Variants in UMAD1 observed in about 807,000 individuals in gnomAD.
The protein encoded by UMAD1 is UBAP1-MVB12-associated (UMA) domain containing 1.
In UMAD1, 8 loss-of-function variants were observed where a neutral mutation model predicts 6.1. The ratio of observed to expected loss-of-function variants is 1.30; its 90% CI spans 0.76 to 2.35. The LOEUF is 2.35. Among genes scored for constraint, UMAD1 ranks in the 30% most tolerant of loss-of-function variants. The probability of loss-of-function intolerance (pLI) is 0.00; values close to 1 mark genes in which losing one functional copy is unlikely to be tolerated. For synonymous variants in UMAD1, 56 were observed against 31.4 expected, an observed-to-expected ratio of 1.78 and a Z score of -2.61; for missense variants, 130 against 78.4, an observed-to-expected ratio of 1.66 and a Z score of -2.49.
intron 2 of UMAD1, among the ~76,000 whole-genome samples, chr7:7,783,459 G>A (rs1300603027): frequency 2.6e-5 from 4 of 151,068 alleles, no homozygotes; most frequent in Non-Finnish European, 4.4e-5. Context: ...TTGGGTGTTT[G>A]CTGAGCTACG....
At chr7:7,867,320 G>T (rs554466994) in intron 3 of UMAD1, among the ~76,000 whole-genome samples, 1 of 152,178 alleles carries the variant, frequency 6.6e-6, no homozygotes, top group East Asian at 1.9e-4. Context: ...TTACTTTTGG[G>T]GGAGTGGAAG....
At chr7:7,815,770 C>G (rs1415649527) in intron 3 of UMAD1, among the ~76,000 whole-genome samples, 2 of 152,150 alleles carry the variant, frequency 1.3e-5, no homozygotes, top group African/African-American at 2.4e-5. Flanking sequence ...CCTACTTTAG[C>G]TTGGTACTTT....
chr7:7,808,861 ATAAC>A (rs748891712), intron 3 of UMAD1, among the ~76,000 whole-genome samples: 144 of 152,126 alleles, frequency 9.5e-4, no homozygotes, highest in Middle Eastern at 6.8e-3. Context: ...ATATAAAATA[ATAAC>A]TAACAGATGG....
At chr7:7,746,162 G>A (rs553728507) in intron 2 of UMAD1, among the ~76,000 whole-genome samples, 130 of 152,300 alleles carry the variant, frequency 8.5e-4, no homozygotes, top group African/African-American at 2.9e-3. Flanking sequence ...GCACCGTAGA[G>A]TTTGTACTGT....
At chr7:7,845,064 T>C (rs1214716092) in intron 3 of UMAD1, among the ~76,000 whole-genome samples, 1 of 152,136 alleles carries the variant, frequency 6.6e-6, no homozygotes, top group Admixed American at 6.6e-5. Context: ...CAGTCACATG[T>C]GGCTATTGAA....
intron 3 of UMAD1, among the ~76,000 whole-genome samples, chr7:7,820,729 A>AT (rs1436542790): frequency 8.6e-5 from 13 of 151,604 alleles, no homozygotes; most frequent in South Asian, 2.1e-4. Flanking sequence ...TCTTTTCTTG[A>AT]TTTTTTTTCA....
At chr7:7,807,096 C>T (rs568635273) in intron 3 of UMAD1, among the ~76,000 whole-genome samples, 2 of 152,156 alleles carry the variant, frequency 1.3e-5, no homozygotes, top group East Asian at 1.9e-4. Context: ...CTTACTGATG[C>T]AGGAATTCTC....
At chr7:7,833,106 G>C (rs1383546729) in intron 3 of UMAD1, among the ~76,000 whole-genome samples, 1 of 152,194 alleles carries the variant, frequency 6.6e-6, no homozygotes, top group African/African-American at 2.4e-5. Context: ...GGAGGGCCCT[G>C]AAAGTTTGGC....
At chr7:7,756,441 A>G (rs1250828925) in intron 2 of UMAD1, among the ~76,000 whole-genome samples, 2 of 152,222 alleles carry the variant, frequency 1.3e-5, no homozygotes, top group Non-Finnish European at 2.9e-5. Context: ...CAAACAGTCC[A>G]TGGGTTGGAC....
At chr7:7,782,798 G>T (rs571521299) in intron 2 of UMAD1, among the ~76,000 whole-genome samples, 1 of 148,166 alleles carries the variant, frequency 6.7e-6, no homozygotes, top group African/African-American at 2.5e-5. Context: ...GTGCAGTGGC[G>T]TGATCTTGAC....
In UMAD1 at chr7:7,765,272, C is replaced by T. The variant is rs116777658; in HGVS notation, c.83-36398C>T. ...CTTCCAGTAGCCAAATTTTTAACCT[C>T]GCCTTGAGATCTTTCTTTCAAAATA... is the stretch of plus-strand genomic sequence containing the variant. On this transcript the variant is annotated intron_variant, in intron 2 of 3. Coordinates refer to ENST00000682710, the MANE Select transcript of UMAD1 (RefSeq NM_001302348.2). Among the ~76,000 whole-genome samples, 935 of 152,182 alleles carry T rather than the reference C, an allele frequency of 6.1e-3. 10 individuals are homozygous for T. Among genetic ancestry groups the T allele is most frequent in the African/African-American group, 0.021 (862 of 41,520 alleles).
chr7:7,648,358 G>C (rs543161362), intron 1 of UMAD1, among the ~76,000 whole-genome samples: 14 of 152,184 alleles, frequency 9.2e-5, no homozygotes, highest in Non-Finnish European at 1.3e-4. Context: ...ATTTGTGTTT[G>C]TGTTGGCCTG....
intron 2 of UMAD1, among the ~76,000 whole-genome samples, chr7:7,682,221 A>C (rs1265647153): frequency 2.6e-5 from 4 of 152,330 alleles, no homozygotes; most frequent in East Asian, 1.9e-4. Flanking sequence ...TGCTGAATTT[A>C]GAACCAGAAT....
chr7:7,676,359 C>T (rs1027049953), intron 2 of UMAD1, among the ~76,000 whole-genome samples: 2 of 152,168 alleles, frequency 1.3e-5, no homozygotes, highest in African/African-American at 4.8e-5. Context: ...TATTATATCA[C>T]CATACACAGG....
intron 3 of UMAD1, among the ~76,000 whole-genome samples, chr7:7,845,762 A>G (rs866804851): frequency 6.6e-6 from 1 of 152,160 alleles, no homozygotes; most frequent in Non-Finnish European, 1.5e-5. Context: ...AAATAGATCT[A>G]GTTAATACCG....
At chr7:7,863,158 G>A (rs549912449) in intron 3 of UMAD1, among the ~76,000 whole-genome samples, 2 of 152,190 alleles carry the variant, frequency 1.3e-5, no homozygotes, top group Non-Finnish European at 2.9e-5. Context: ...CATTGACTTG[G>A]AGTATGGGAC....
chr7:7,667,003 T>A (rs142242362), intron 1 of UMAD1, among the ~76,000 whole-genome samples: 2,628 of 152,310 alleles, frequency 0.017, 78 homozygotes, highest in African/African-American at 0.06. Context: ...AGATGGGGTT[T>A]CACCTTGTTG....
At chr7:7,841,847 AT>A (rs1783688174) in intron 3 of UMAD1, among the ~76,000 whole-genome samples, 1 of 152,136 alleles carries the variant, frequency 6.6e-6, no homozygotes. Context: ...TACCTCCTAT[AT>A]TTTGTTTCCA....
chr7:7,834,506 T>C (rs1783528730), intron 3 of UMAD1, among the ~76,000 whole-genome samples: 1 of 152,202 alleles, frequency 6.6e-6, no homozygotes, highest in Admixed American at 6.5e-5. Context: ...CATTTATTTT[T>C]CTCATGGTTC....
Sources: gnomAD v4.1 joint callset for allele counts (sites outside exome capture counted in the v4.1 genomes callset) on GRCh38, gnomAD v4.1.1 for gene constraint, MANE v1.5 for transcripts, NCBI Gene and HGNC (gene_info 2026-07-23, HGNC 2026-07-21) for gene names.